The following NRXN3 variants were observed in gnomAD, a reference collection of about 807,000 sequenced individuals.
NRXN3 encodes the protein neurexin III.
In NRXN3, 32 loss-of-function variants were observed where a neutral mutation model predicts 137.6. That is an observed-to-expected ratio of 0.23 (90% CI 0.18 to 0.31). The LOEUF (loss-of-function observed/expected upper bound fraction) is 0.31. Ranked by LOEUF, NRXN3 falls within the 10% of genes least tolerant of loss-of-function variation. The pLI is 1.00. For synonymous variants in NRXN3, 798 were observed against 784.5 expected, an observed-to-expected ratio of 1.02 and a Z score of -0.29; for missense variants, 1,574 against 2,062.5, an observed-to-expected ratio of 0.76 and a Z score of 4.59.
chr14:79,786,238 C>A (rs564293132), intron 19 of NRXN3, among the ~76,000 whole-genome samples: 2 of 152,130 alleles, frequency 1.3e-5, no homozygotes, highest in East Asian at 1.9e-4. Context: ...GGGAAGAAAC[C>A]AGGGATCTGA....
intron 15 of NRXN3, among the ~76,000 whole-genome samples, chr14:79,193,574 C>A (rs955792788): frequency 3.3e-5 from 5 of 152,188 alleles, no homozygotes; most frequent in African/African-American, 9.7e-5. Flanking sequence ...TTATTATAAG[C>A]TGTGAACATT....
intron 4 of NRXN3, among the ~76,000 whole-genome samples, chr14:78,338,426 T>G (rs1408431001): frequency 6.6e-6 from 1 of 152,166 alleles, no homozygotes; most frequent in East Asian, 1.9e-4. Flanking sequence ...TAGAGCCCCT[T>G]TGGGCCTGTG....
At chr14:79,279,396 G>T (rs1352314964) in intron 15 of NRXN3, 36 of 986,334 alleles carry the variant, frequency 3.6e-5, no homozygotes, top group Non-Finnish European at 4.1e-5. Flanking sequence ...CTTCACCTGT[G>T]CCTCCCTGGT....
At chr14:78,661,103 G>T (rs2097837257) in intron 6 of NRXN3, among the ~76,000 whole-genome samples, 2 of 152,184 alleles carry the variant, frequency 1.3e-5, no homozygotes, top group Non-Finnish European at 2.9e-5. Flanking sequence ...ATTGAAAAAT[G>T]TAGATAATGC....
intron 3 of NRXN3, among the ~76,000 whole-genome samples, chr14:78,292,475 A>G (rs1179980422): frequency 1.3e-5 from 2 of 152,208 alleles, no homozygotes; most frequent in Admixed American, 6.5e-5. Flanking sequence ...ATATATTAAC[A>G]GGACTAGAAA....
intron 4 of NRXN3, among the ~76,000 whole-genome samples, chr14:78,431,812 A>G (rs897655384): frequency 6.6e-6 from 1 of 152,174 alleles, no homozygotes; most frequent in Non-Finnish European, 1.5e-5. Context: ...GCAGTTACTG[A>G]ACTACAGCCA....
At chr14:79,609,017 G>A (rs1313077472) in intron 16 of NRXN3, among the ~76,000 whole-genome samples, 1 of 152,132 alleles carries the variant, frequency 6.6e-6, no homozygotes, top group Non-Finnish European at 1.5e-5. Flanking sequence ...GAGCAGTAAT[G>A]CATCATGGTG....
At chr14:78,686,476 A>C (rs1484180629) in intron 6 of NRXN3, among the ~76,000 whole-genome samples, 1 of 152,200 alleles carries the variant, frequency 6.6e-6, no homozygotes, top group African/African-American at 2.4e-5. Context: ...TTGGAAAAGA[A>C]GACGCCTCCT....
chr14:78,939,241 C>T (rs1172708766), intron 10 of NRXN3, among the ~76,000 whole-genome samples: 1 of 152,098 alleles, frequency 6.6e-6, no homozygotes, highest in Non-Finnish European at 1.5e-5. Flanking sequence ...GTGGGCTGCC[C>T]CAGAGGTCAT....
chr14:78,941,154 C>T (rs1199806356), intron 10 of NRXN3, among the ~76,000 whole-genome samples: 2 of 152,156 alleles, frequency 1.3e-5, no homozygotes, highest in African/African-American at 4.8e-5. Flanking sequence ...TAGGCACAAT[C>T]ACTGGCCTCG....
intron 17 of NRXN3, among the ~76,000 whole-genome samples, chr14:79,684,026 T>C (rs1425483666): frequency 6.6e-6 from 1 of 152,152 alleles, no homozygotes; most frequent in Non-Finnish European, 1.5e-5. Context: ...TTTTAGATAT[T>C]TTATAGCTCC....
At chr14:79,200,407 G>A (rs2065804266) in intron 15 of NRXN3, among the ~76,000 whole-genome samples, 1 of 152,124 alleles carries the variant, frequency 6.6e-6, no homozygotes, top group Non-Finnish European at 1.5e-5. Context: ...GAGAAGGGGT[G>A]GTCAGAAGAA....
At chr14:79,593,462 C>CT (rs983049637) in intron 16 of NRXN3, among the ~76,000 whole-genome samples, 5 of 151,926 alleles carry the variant, frequency 3.3e-5, no homozygotes, top group Admixed American at 2.0e-4. Context: ...AGCCCTGTCT[C>CT]TACTAAAAAT....
chr14:78,810,197 A>G (rs1278799144), intron 9 of NRXN3, 121 bp from the exon 10 acceptor site: 4 of 644,646 alleles, frequency 6.2e-6, no homozygotes, highest in Non-Finnish European at 8.4e-6. Flanking sequence ...TTATATATAT[A>G]AAATGGCCAC....
At chr14:78,772,162 G>A (rs989784368) in intron 8 of NRXN3, among the ~76,000 whole-genome samples, 2 of 152,122 alleles carry the variant, frequency 1.3e-5, no homozygotes, top group African/African-American at 4.8e-5. Flanking sequence ...GGACTTCAGA[G>A]TTTCAAATTA....
intron 17 of NRXN3, among the ~76,000 whole-genome samples, chr14:79,683,011 A>C (rs2098678359): frequency 6.6e-6 from 1 of 152,092 alleles, no homozygotes; most frequent in South Asian, 2.1e-4. Context: ...CCCACCCCTC[A>C]CACGGTGAGG....
intron 10 of NRXN3, among the ~76,000 whole-genome samples, chr14:78,837,329 GT>G (rs1435480836): frequency 6.6e-6 from 1 of 152,098 alleles, no homozygotes; most frequent in Non-Finnish European, 1.5e-5. Context: ...GGCCCTCTTT[GT>G]TGGCTTTAAA....
chr14:78,931,147 T>C (rs1423416528), intron 10 of NRXN3, among the ~76,000 whole-genome samples: 1 of 152,182 alleles, frequency 6.6e-6, no homozygotes. Flanking sequence ...TTTTTTTTCC[T>C]AAATATCCTT....
At chr14:78,874,989 T>C (rs2099110560) in intron 10 of NRXN3, among the ~76,000 whole-genome samples, 1 of 152,166 alleles carries the variant, frequency 6.6e-6, no homozygotes, top group Non-Finnish European at 1.5e-5. Flanking sequence ...CACAGGGGTG[T>C]GGAGAATTGG....
Sources: gnomAD v4.1 joint callset for allele counts (sites outside exome capture counted in the v4.1 genomes callset) on GRCh38, gnomAD v4.1.1 for gene constraint, MANE v1.5 for transcripts, NCBI Gene and HGNC (gene_info 2026-07-23, HGNC 2026-07-21) for gene names.